The following SGCZ variants were observed in gnomAD, a reference collection of about 807,000 sequenced individuals.
SGCZ encodes sarcoglycan zeta, also known as zeta-sarcoglycan.
SGCZ carries 40 observed loss-of-function variants against 41.3 expected under a neutral mutation model. The observed-to-expected ratio is 0.97, with a 90% CI of 0.75 to 1.26. The LOEUF (loss-of-function observed/expected upper bound fraction) is 1.26. SGCZ is among the 50% of genes most tolerant of loss of function. SGCZ has a pLI of 0.00. For missense variants in SGCZ, 552 were observed against 369.8 expected (o/e 1.49, Z -4.04); for synonymous variants, 206 against 137.5 (o/e 1.50, Z -3.49).
chr8:14,538,407 A>AAGCAAG (rs1803360276), intron 2 of SGCZ, among the ~76,000 whole-genome samples: 2 of 151,940 alleles, frequency 1.3e-5, no homozygotes, highest in African/African-American at 4.8e-5. Context: ...ATTCAATATG[A>AAGCAAG]TGTAAATGAA....
intron 1 of SGCZ, among the ~76,000 whole-genome samples, chr8:15,063,883 T>A (rs1450626703): frequency 6.6e-6 from 1 of 152,176 alleles, no homozygotes; most frequent in African/African-American, 2.4e-5. Context: ...GGTCATTTCA[T>A]GCCTAAGGCT....
chr8:14,714,020 T>G (rs911558475), intron 1 of SGCZ, among the ~76,000 whole-genome samples: 2 of 152,142 alleles, frequency 1.3e-5, no homozygotes, highest in Admixed American at 6.6e-5. Context: ...CAGGCTGGAG[T>G]GCAATGGTGC....
At chr8:14,125,982 G>A (rs572949789) in intron 5 of SGCZ, among the ~76,000 whole-genome samples, 59 of 152,210 alleles carry the variant, frequency 3.9e-4, no homozygotes, top group Admixed American at 5.9e-4. Flanking sequence ...ATTAACTCAA[G>A]ATAGATTAAA....
chr8:14,603,811 C>G (rs753273106), intron 1 of SGCZ, among the ~76,000 whole-genome samples: 1 of 151,986 alleles, frequency 6.6e-6, no homozygotes, highest in Admixed American at 6.6e-5. Flanking sequence ...AGATCGGGAC[C>G]CTTGTCCTGT....
In SGCZ at chr8:14,687,755, C is replaced by T. The variant is rs1395785786; in HGVS notation, c.40-132829G>A. Among the ~76,000 whole-genome samples, 8 of 151,848 alleles carry T rather than the reference C, an allele frequency of 5.3e-5. No homozygotes were observed. The East Asian group carries it at 1.2e-3, about 22-fold the overall frequency. On this transcript the variant is annotated intron_variant, in intron 1 of 7. Transcript: ENST00000382080. ...AAATGGTATTTCTAGTTCTAGATCC[C>T]TGAGGAATCGCCACACTGACTTCCA...
chr8:14,801,134 C>T (rs1480516707), intron 1 of SGCZ, among the ~76,000 whole-genome samples: 2 of 152,086 alleles, frequency 1.3e-5, no homozygotes, highest in East Asian at 1.9e-4. Context: ...TCTATGAATA[C>T]CAAATAACGA....
chr8:14,435,396 G>A (rs2117350103), intron 2 of SGCZ, among the ~76,000 whole-genome samples: 1 of 152,204 alleles, frequency 6.6e-6, no homozygotes, highest in Admixed American at 6.5e-5. Flanking sequence ...TTGTGCAACT[G>A]AAGCAATAGT....
chr8:15,195,171 G>A (rs1800681719), intron 1 of SGCZ, among the ~76,000 whole-genome samples: 1 of 152,090 alleles, frequency 6.6e-6, no homozygotes, highest in African/African-American at 2.4e-5. Context: ...GTCTTATCTA[G>A]ATCCCACTTC....
chr8:14,659,785 T>C (rs11203649), intron 1 of SGCZ, among the ~76,000 whole-genome samples: 108,889 of 152,096 alleles, frequency 0.72, 40,296 homozygotes, highest in African/African-American at 0.89. Context: ...AGTCCTTAAA[T>C]CCAGTACCTC....
At chr8:15,042,970 C>T (rs1035675568) in intron 1 of SGCZ, among the ~76,000 whole-genome samples, 17 of 152,138 alleles carry the variant, frequency 1.1e-4, no homozygotes, top group Non-Finnish European at 2.2e-4. Context: ...ACGGTTTCTC[C>T]AAAGGCATAG....
chr8:14,654,025 A>G (rs183415523), intron 1 of SGCZ, among the ~76,000 whole-genome samples: 2 of 152,234 alleles, frequency 1.3e-5, no homozygotes, highest in East Asian at 3.9e-4. Flanking sequence ...CATTTAGGAC[A>G]ATGCATGATG....
chr8:14,299,018 G>T (rs555603915), intron 3 of SGCZ, among the ~76,000 whole-genome samples: 11 of 152,062 alleles, frequency 7.2e-5, no homozygotes, highest in South Asian at 6.2e-4. Context: ...CAATTGAACC[G>T]AATCCAGAAA....
chr8:14,335,356 TTCTA>T (rs1372991893), intron 2 of SGCZ, among the ~76,000 whole-genome samples: 1 of 152,030 alleles, frequency 6.6e-6, no homozygotes, highest in Admixed American at 6.6e-5. Context: ...TGCTGTAGAT[TTCTA>T]TCTATCTCAC....
chr8:14,715,435 C>T (rs1314120811), intron 1 of SGCZ, among the ~76,000 whole-genome samples: 1 of 152,054 alleles, frequency 6.6e-6, no homozygotes, highest in Non-Finnish European at 1.5e-5. Flanking sequence ...AAGGTATCTG[C>T]CCACCTATCT....
At chr8:14,793,262 CT>C (rs1429164578) in intron 1 of SGCZ, among the ~76,000 whole-genome samples, 3 of 152,164 alleles carry the variant, frequency 2.0e-5, no homozygotes, top group African/African-American at 7.2e-5. Flanking sequence ...TTTGCACTGA[CT>C]GCTAAAACAG....
chr8:15,233,907 C>A (rs921391200), intron 1 of SGCZ, among the ~76,000 whole-genome samples: 1 of 152,062 alleles, frequency 6.6e-6, no homozygotes, highest in East Asian at 1.9e-4. Flanking sequence ...ATATTATACT[C>A]ATGATGTATT....
chr8:14,719,018 A>C (rs913587053), intron 1 of SGCZ, among the ~76,000 whole-genome samples: 8 of 90,500 alleles, frequency 8.8e-5, no homozygotes, highest in Non-Finnish European at 1.4e-4. Context: ...CCCACCCCAC[A>C]ACAGTCCCCA....
At chr8:15,045,824 A>C (rs2130985489) in intron 1 of SGCZ, among the ~76,000 whole-genome samples, 1 of 152,166 alleles carries the variant, frequency 6.6e-6, no homozygotes, top group Non-Finnish European at 1.5e-5. Context: ...ACACCATCCA[A>C]TCAAACAGAC....
chr8:14,901,308 A>G (rs1346476218), intron 1 of SGCZ, among the ~76,000 whole-genome samples: 1 of 152,210 alleles, frequency 6.6e-6, no homozygotes, highest in Admixed American at 6.6e-5. Flanking sequence ...TTGAAGGAAC[A>G]GAAAGGCATC....
Sources: allele counts gnomAD v4.1 joint callset (sites outside exome capture counted in the v4.1 genomes callset), GRCh38; gene constraint gnomAD v4.1.1; transcripts MANE v1.5; gene names NCBI Gene and HGNC (gene_info 2026-07-23, HGNC 2026-07-21).